The following ALK variants were observed in gnomAD, a reference collection of about 807,000 sequenced individuals.
The protein encoded by ALK is ALK tyrosine kinase receptor.
A neutral mutation model predicts 163.1 loss-of-function variants in ALK; 74 were observed. The observed-to-expected ratio is 0.45, with a 90% CI of 0.38 to 0.55. ALK has a LOEUF of 0.55. Among genes scored for constraint, ALK ranks in the 20% least tolerant of loss-of-function variants. The pLI is 0.00. For missense variants in ALK, 2,063 were observed against 2,105.3 expected (o/e 0.98, Z 0.39); for synonymous variants, 960 against 843.2 (o/e 1.14, Z -2.40).
At chr2:29,915,195 C>T (rs1308628523) in intron 1 of ALK, among the ~76,000 whole-genome samples, 2 of 152,178 alleles carry the variant, frequency 1.3e-5, no homozygotes, top group Admixed American at 6.5e-5. Flanking sequence ...TCATTCTTTT[C>T]TTCTCCCACC....
chr2:29,802,355 A>G (rs1664490607), intron 1 of ALK, among the ~76,000 whole-genome samples: 1 of 1,082 alleles, frequency 9.2e-4, no homozygotes, highest in Admixed American at 7.4e-3. Context: ...AGGGGAGGGG[A>G]GGGCAGGGGA....
At chr2:29,474,326 C>T (rs1671448546) in intron 4 of ALK, among the ~76,000 whole-genome samples, 1 of 152,140 alleles carries the variant, frequency 6.6e-6, no homozygotes, top group African/African-American at 2.4e-5. Context: ...CTTTAAGGGA[C>T]TGTAATGACT....
chr2:29,519,684 T>C (rs754592682), intron 4 of ALK, among the ~76,000 whole-genome samples: 16 of 152,212 alleles, frequency 1.1e-4, no homozygotes, highest in Non-Finnish European at 4.4e-5. Context: ...GGAAGTCATC[T>C]GGATCTACTG....
chr2:29,594,896 GGGGGT>G (rs1427801314), intron 3 of ALK, among the ~76,000 whole-genome samples: 4 of 88,582 alleles, frequency 4.5e-5, no homozygotes, highest in African/African-American at 1.8e-4. Flanking sequence ...AACAAAAATG[GGGGGT>G]GGGGGGCGGG....
chr2:29,480,984 C>G (rs1486064205), intron 4 of ALK, among the ~76,000 whole-genome samples: 6 of 152,128 alleles, frequency 3.9e-5, no homozygotes, highest in Non-Finnish European at 8.8e-5. Flanking sequence ...AGCAAAGTCC[C>G]TAACAAGGAA....
intron 1 of ALK, among the ~76,000 whole-genome samples, chr2:29,776,818 A>G (rs561318677): frequency 3.9e-5 from 6 of 152,276 alleles, no homozygotes; most frequent in Non-Finnish European, 7.4e-5. Context: ...AGAAAGAAAA[A>G]AGAAAAAGAA....
At position 29,223,473 on chromosome 2, in the gene ALK, A is replaced by G. The variant is rs199685862; in HGVS notation, c.3228T>C (p.Pro1076=). 2.5e-5 allele frequency: 40 copies of G among 1,614,120 alleles called. No individual in the cohort carries two copies. The East Asian group carries it at 5.3e-4, about 22-fold the overall frequency. Residue 1076 remains proline, a synonymous_variant, in exon 20 of 29, where the codon CCT becomes CCC. Coordinates refer to ENST00000389048, the MANE Select transcript of ALK (RefSeq NM_004304.5). ...TGCGGAGCTTGCTCAGCTTGTACTC[A>G]GGGCTCTGCAGCTCCATCTGCATGG... ...LQAMQMELQS[P]EYKLSKLRTS...
chr2:29,557,655 T>C (rs747164145), intron 3 of ALK, among the ~76,000 whole-genome samples: 1 of 152,148 alleles, frequency 6.6e-6, no homozygotes, highest in Non-Finnish European at 1.5e-5. Context: ...CTCCAAGATA[T>C]AGCAATATAT....
At chr2:29,674,290 A>T (rs1191359127) in intron 3 of ALK, among the ~76,000 whole-genome samples, 3 of 151,784 alleles carry the variant, frequency 2.0e-5, no homozygotes, top group Non-Finnish European at 4.4e-5. Flanking sequence ...TTGCCCATTC[A>T]GTGTGATATT....
intron 11 of ALK, among the ~76,000 whole-genome samples, chr2:29,266,969 C>T (rs2148209312): frequency 6.6e-6 from 1 of 152,332 alleles, no homozygotes; most frequent in East Asian, 1.9e-4. Flanking sequence ...GTAACCTCCT[C>T]CCTTTGAGTA....
intron 2 of ALK, among the ~76,000 whole-genome samples, chr2:29,696,937 TA>T (rs1460342578): frequency 3.0e-4 from 44 of 148,604 alleles, no homozygotes; most frequent in African/African-American, 9.6e-4. Flanking sequence ...AAAAAAAAAA[TA>T]AAATAAAATA....
chr2:29,794,499 T>C (rs1221801718), intron 1 of ALK, among the ~76,000 whole-genome samples: 5 of 152,320 alleles, frequency 3.3e-5, no homozygotes, highest in African/African-American at 1.2e-4. Flanking sequence ...GCTTTTGATC[T>C]GTCTCAGCTT....
At chr2:29,820,886 G>C (rs1211670721) in intron 1 of ALK, among the ~76,000 whole-genome samples, 1 of 152,124 alleles carries the variant, frequency 6.6e-6, no homozygotes, top group African/African-American at 2.4e-5. Context: ...TTCTCCTTCT[G>C]TTCCTGACTC....
At chr2:29,495,141 G>A (rs1375087381) in intron 4 of ALK, among the ~76,000 whole-genome samples, 1 of 152,148 alleles carries the variant, frequency 6.6e-6, no homozygotes, top group Non-Finnish European at 1.5e-5. Flanking sequence ...ACAGAGCCGG[G>A]GTGGACTTAG....
chr2:29,381,175 C>G (rs1258207103), intron 5 of ALK, among the ~76,000 whole-genome samples: 1 of 152,256 alleles, frequency 6.6e-6, no homozygotes, highest in Non-Finnish European at 1.5e-5. Context: ...TTTGAAACTT[C>G]TGTGAGCTTC....
intron 8 of ALK, among the ~76,000 whole-genome samples, chr2:29,316,426 GA>G (rs1242093252): frequency 4.0e-5 from 6 of 151,842 alleles, no homozygotes; most frequent in Non-Finnish European, 8.8e-5. Context: ...TAGACTGCAG[GA>G]AAAATAAAAC....
chr2:29,776,334 T>C (rs1255872790), intron 1 of ALK, among the ~76,000 whole-genome samples: 1 of 151,982 alleles, frequency 6.6e-6, no homozygotes, highest in Admixed American at 6.5e-5. Flanking sequence ...CAAAAATCAA[T>C]TTAAAAGTAA....
intron 1 of ALK, among the ~76,000 whole-genome samples, chr2:29,804,603 C>G (rs1385226892): frequency 2.0e-5 from 3 of 152,264 alleles, no homozygotes; most frequent in Non-Finnish European, 4.4e-5. Context: ...GACTCCCACT[C>G]TACCTCCATT....
At chr2:29,628,541 G>A (rs990105611) in intron 3 of ALK, among the ~76,000 whole-genome samples, 10 of 152,128 alleles carry the variant, frequency 6.6e-5, no homozygotes, top group African/African-American at 2.2e-4. Context: ...CACTTCACAA[G>A]TATTATACTC....
Sources: gnomAD v4.1 joint callset for allele counts (sites outside exome capture counted in the v4.1 genomes callset) on GRCh38, gnomAD v4.1.1 for gene constraint, MANE v1.5 for transcripts, NCBI Gene and HGNC (gene_info 2026-07-23, HGNC 2026-07-21) for gene names.